DNAJC24: variants seen among roughly 807,000 people sequenced by gnomAD.
The protein encoded by DNAJC24 is dnaJ homolog subfamily C member 24.
Under a neutral mutation model 18.0 loss-of-function variants are expected in DNAJC24, and 17 were observed. The ratio of observed to expected loss-of-function variants is 0.94; its 90% CI spans 0.65 to 1.42. DNAJC24 has a LOEUF of 1.42. Among genes scored for constraint, DNAJC24 ranks in the 40% most tolerant of loss-of-function variants. The pLI, the probability that DNAJC24 is intolerant of heterozygous loss-of-function variation, is 0.00. For synonymous variants in DNAJC24, 55 were observed against 57.7 expected (o/e 0.95, Z 0.21); for missense variants, 158 against 175.6 (o/e 0.90, Z 0.57).
chr11:31,405,188 G>A (rs1952644857), intron 2 of DNAJC24, among the ~76,000 whole-genome samples: 1 of 150,348 alleles, frequency 6.7e-6, no homozygotes, highest in Non-Finnish European at 1.5e-5. Flanking sequence ...TCCTGCCTCA[G>A]CCTCCCGAGT....
chr11:31,390,331 G>GGTGGAT (rs1226054191), intron 2 of DNAJC24, among the ~76,000 whole-genome samples: 61 of 150,514 alleles, frequency 4.1e-4, no homozygotes, highest in Middle Eastern at 3.5e-3. Context: ...GGGAGGTGGA[G>GGTGGAT]GTGGCAATGA....
intron 3 of DNAJC24, among the ~76,000 whole-genome samples, chr11:31,425,770 C>T (rs1365677841): frequency 6.6e-6 from 1 of 152,116 alleles, no homozygotes; most frequent in African/African-American, 2.4e-5. Flanking sequence ...GGACACAATT[C>T]GGTCAACAGC....
At chr11:31,378,865 T>C (rs1952346437) in intron 2 of DNAJC24, among the ~76,000 whole-genome samples, 2 of 152,176 alleles carry the variant, frequency 1.3e-5, no homozygotes. Context: ...CATGCCTGAT[T>C]ATTAGTTAAT....
At chr11:31,391,183 G>C (rs1482825228) in intron 2 of DNAJC24, among the ~76,000 whole-genome samples, 2 of 152,128 alleles carry the variant, frequency 1.3e-5, no homozygotes, top group African/African-American at 2.4e-5. Context: ...TGAGAAACTG[G>C]TTATGGAAGG....
intron 3 of DNAJC24, among the ~76,000 whole-genome samples, chr11:31,420,317 C>T (rs752766371): frequency 5.9e-5 from 9 of 152,072 alleles, no homozygotes; most frequent in African/African-American, 9.7e-5. Flanking sequence ...CTACTCCCAA[C>T]TTCCCACCAC....
intron 2 of DNAJC24, among the ~76,000 whole-genome samples, chr11:31,393,438 T>G (rs1236110882): frequency 6.6e-6 from 1 of 152,210 alleles, no homozygotes; most frequent in Non-Finnish European, 1.5e-5. Context: ...TGTTGATATT[T>G]AATCACTGTT....
At chr11:31,380,774 T>C (rs1952368975) in intron 2 of DNAJC24, among the ~76,000 whole-genome samples, 1 of 152,182 alleles carries the variant, frequency 6.6e-6, no homozygotes, top group Admixed American at 6.5e-5. Context: ...ATATAGAACA[T>C]TTTCATCTCA....
At chr11:31,409,305 A>T (rs1276517661) in intron 2 of DNAJC24, among the ~76,000 whole-genome samples, 2 of 152,214 alleles carry the variant, frequency 1.3e-5, no homozygotes, top group Non-Finnish European at 2.9e-5. Context: ...TTAAGTGTTA[A>T]GTTTGGTGAG....
At chr11:31,403,131 G>A (rs1439746313) in intron 2 of DNAJC24, among the ~76,000 whole-genome samples, 2 of 147,092 alleles carry the variant, frequency 1.4e-5, no homozygotes, top group African/African-American at 4.9e-5. Context: ...ATGCATGTGT[G>A]TGTGTGTGTG....
At chr11:31,370,510 A>G (rs1807489522) in intron 1 of DNAJC24, among the ~76,000 whole-genome samples, 1 of 152,098 alleles carries the variant, frequency 6.6e-6, no homozygotes, top group Admixed American at 6.5e-5. Context: ...ATATATCGTG[A>G]AATACCTAAC....
chr11:31,407,095 C>A (rs1441962969), intron 2 of DNAJC24, among the ~76,000 whole-genome samples: 2 of 152,228 alleles, frequency 1.3e-5, no homozygotes, highest in East Asian at 3.9e-4. Flanking sequence ...AGACAGAGAG[C>A]TAGCATCCTA....
At chr11:31,405,359 C>G (rs571254208) in intron 2 of DNAJC24, among the ~76,000 whole-genome samples, 5 of 151,172 alleles carry the variant, frequency 3.3e-5, no homozygotes, top group African/African-American at 1.2e-4. Context: ...CATGAGCCAC[C>G]GCACCCAGCC....
At chr11:31,423,448 A>G (rs2133503993) in intron 3 of DNAJC24, among the ~76,000 whole-genome samples, 1 of 152,214 alleles carries the variant, frequency 6.6e-6, no homozygotes, top group Middle Eastern at 3.4e-3. Flanking sequence ...TTTAGTAGAG[A>G]TGGGGTTTCA....
chr11:31,380,631 G>A (rs1265512168), intron 2 of DNAJC24, among the ~76,000 whole-genome samples: 3 of 151,764 alleles, frequency 2.0e-5, no homozygotes, highest in Non-Finnish European at 4.4e-5. Flanking sequence ...TTTCTTATTA[G>A]GATGTATTTC....
chr11:31,390,952 G>T (rs962408818), intron 2 of DNAJC24, among the ~76,000 whole-genome samples: 3 of 152,032 alleles, frequency 2.0e-5, no homozygotes, highest in Non-Finnish European at 4.4e-5. Flanking sequence ...GAGTATTGAC[G>T]TAAAAGTCCT....
At chr11:31,411,471 C>G (rs1952708941) in intron 2 of DNAJC24, among the ~76,000 whole-genome samples, 3 of 152,160 alleles carry the variant, frequency 2.0e-5, no homozygotes. Context: ...ATAATTATAA[C>G]TGGGCTGAGT....
chr11:31,392,842 T>C (rs1053212019), intron 2 of DNAJC24, among the ~76,000 whole-genome samples: 5 of 151,318 alleles, frequency 3.3e-5, no homozygotes, highest in African/African-American at 1.2e-4. Flanking sequence ...CCCGACGGGG[T>C]TTCACCATGT....
intron 2 of DNAJC24, among the ~76,000 whole-genome samples, chr11:31,380,872 C>T (rs1242022666): frequency 1.3e-5 from 2 of 152,050 alleles, no homozygotes; most frequent in African/African-American, 2.4e-5. Context: ...TTATTTTAGG[C>T]TCTAAAAACA....
intron 2 of DNAJC24, among the ~76,000 whole-genome samples, chr11:31,380,539 A>C (rs1332040336): frequency 1.3e-5 from 2 of 152,140 alleles, no homozygotes; most frequent in Non-Finnish European, 2.9e-5. Flanking sequence ...ACTTTTGTTA[A>C]ATTTTTGGAG....
Sources: allele counts gnomAD v4.1 joint callset (sites outside exome capture counted in the v4.1 genomes callset), GRCh38; gene constraint gnomAD v4.1.1; transcripts MANE v1.5; gene names NCBI Gene and HGNC (gene_info 2026-07-23, HGNC 2026-07-21).